Variants in FAM13A observed in about 807,000 individuals in gnomAD.
The protein encoded by FAM13A is protein FAM13A.
A neutral mutation model predicts 129.6 loss-of-function variants in FAM13A; 76 were observed. That is an observed-to-expected ratio of 0.59 (90% CI 0.49 to 0.71). FAM13A has a LOEUF of 0.71. Ranked by LOEUF, FAM13A falls within the 30% of genes least tolerant of loss-of-function variation. FAM13A has a pLI of 0.00. For missense variants in FAM13A, 1,108 were observed against 1,249.3 expected, an observed-to-expected ratio of 0.89 and a Z score of 1.70; for synonymous variants, 443 against 449.9, an observed-to-expected ratio of 0.98 and a Z score of 0.20.
intron 6 of FAM13A, among the ~76,000 whole-genome samples, chr4:88,892,066 C>T (rs1051650066): frequency 4.0e-5 from 6 of 151,592 alleles, no homozygotes; most frequent in East Asian, 1.9e-4. Context: ...CTAAGCTATT[C>T]GGGAGTCTGA....
chr4:88,776,898 C>T (rs927427174), intron 11 of FAM13A, among the ~76,000 whole-genome samples: 10 of 152,112 alleles, frequency 6.6e-5, no homozygotes, highest in Admixed American at 6.6e-5. Context: ...CACTTGAACC[C>T]GGGAGGGGGA....
chr4:89,053,166 TCAC>T (rs1362389645), intron 1 of FAM13A, among the ~76,000 whole-genome samples: 3 of 152,204 alleles, frequency 2.0e-5, no homozygotes, highest in Non-Finnish European at 2.9e-5. Context: ...GTCAAATTCT[TCAC>T]CACTTTATAA....
intron 8 of FAM13A, among the ~76,000 whole-genome samples, chr4:88,803,008 T>C (rs1212832776): frequency 1.3e-5 from 2 of 152,194 alleles, no homozygotes; most frequent in African/African-American, 2.4e-5. Flanking sequence ...TCCACCTCTT[T>C]ATGCTGGACC....
intron 6 of FAM13A, among the ~76,000 whole-genome samples, chr4:88,897,210 A>G (rs1036119504): frequency 6.6e-6 from 1 of 152,160 alleles, no homozygotes; most frequent in African/African-American, 2.4e-5. Context: ...TTATCTAAAA[A>G]TCTGTTTGAT....
chr4:89,015,648 T>C (rs1184463739), intron 3 of FAM13A, among the ~76,000 whole-genome samples: 2 of 152,236 alleles, frequency 1.3e-5, no homozygotes, highest in African/African-American at 4.8e-5. Flanking sequence ...TCAACAACAT[T>C]AAGTGAAAAC....
intron 13 of FAM13A, 78 bp downstream of exon 13, chr4:88,767,475 G>A: frequency 9.8e-7 from 1 of 1,018,172 alleles, no homozygotes; most frequent in Non-Finnish European, 1.4e-6. Flanking sequence ...CTTATTGGCA[G>A]ACTAATATTT....
At chr4:89,042,314 T>A (rs1172386867) in intron 1 of FAM13A, among the ~76,000 whole-genome samples, 1 of 152,146 alleles carries the variant, frequency 6.6e-6, no homozygotes, top group Non-Finnish European at 1.5e-5. Context: ...GAGGCACATG[T>A]CCACCTTGGA....
At chr4:88,986,856 C>A (rs769550904) in intron 4 of FAM13A, among the ~76,000 whole-genome samples, 3 of 152,128 alleles carry the variant, frequency 2.0e-5, no homozygotes, top group Non-Finnish European at 4.4e-5. Flanking sequence ...CAATATAAAT[C>A]CATTATTTCT....
At chr4:88,847,011 A>C (rs1027457005) in intron 7 of FAM13A, among the ~76,000 whole-genome samples, 1 of 152,248 alleles carries the variant, frequency 6.6e-6, no homozygotes, top group Non-Finnish European at 1.5e-5. Flanking sequence ...AGGATTTAAA[A>C]TTTATTTTTA....
chr4:88,946,401 C>CTTTTTTTT (rs3067813), intron 4 of FAM13A, among the ~76,000 whole-genome samples: 5 of 91,710 alleles, frequency 5.5e-5, no homozygotes, highest in African/African-American at 8.7e-5. Context: ...CTCCCGCGTT[C>CTTTTTTTT]TTTTTTTTTT....
intron 7 of FAM13A, among the ~76,000 whole-genome samples, chr4:88,845,519 G>A (rs982864191): frequency 2.6e-5 from 4 of 152,086 alleles, no homozygotes; most frequent in South Asian, 2.1e-4. Flanking sequence ...AAGGAACATC[G>A]CAGCAGGAGG....
chr4:88,988,260 T>A (rs1277723950), intron 4 of FAM13A, among the ~76,000 whole-genome samples: 1 of 152,218 alleles, frequency 6.6e-6, no homozygotes, highest in East Asian at 1.9e-4. Context: ...GGAAGGACTG[T>A]TCTTTATTAA....
intron 5 of FAM13A, among the ~76,000 whole-genome samples, chr4:88,924,752 T>A (rs1336874374): frequency 3.3e-5 from 5 of 151,316 alleles, no homozygotes; most frequent in Admixed American, 6.6e-5. Flanking sequence ...GAAACTACCA[T>A]CAGAGTGAAC....
At position 88,787,772 on chromosome 4, in the gene FAM13A, C is replaced by T. The variant is rs1188956533; in HGVS notation, c.1252G>A (p.Val418Ile). Residue 418 changes from valine to isoleucine, a missense_variant, in exon 10 of 24, where the codon GTT becomes ATT. Physicochemically the swap from Val to Ile is conservative, Grantham distance 29. Coordinates refer to ENST00000264344, the MANE Select transcript of FAM13A (RefSeq NM_014883.4). ...ACTCACTTGTCTCTCCCATGTCGAA[C>T]TTCATCCTGCTCCTTGGACTGGCGG... ...RRRQSKEQDEVRHGRDKGLIN... is the reference protein window; with the variant it reads ...RRRQSKEQDEIRHGRDKGLIN... 6.2e-6 allele frequency: 10 copies of T among 1,613,170 alleles called. No homozygotes were observed. The highest frequency in any genetic ancestry group is 4.0e-5 in the African/African-American group (3 of 74,868).
At chr4:89,051,329 T>C (rs1475874793) in intron 1 of FAM13A, among the ~76,000 whole-genome samples, 1 of 152,126 alleles carries the variant, frequency 6.6e-6, no homozygotes, top group East Asian at 1.9e-4. Flanking sequence ...TGGGGTCTCT[T>C]TTATAGGGGT....
At chr4:88,817,700 T>C (rs1360362959) in intron 7 of FAM13A, among the ~76,000 whole-genome samples, 2 of 151,880 alleles carry the variant, frequency 1.3e-5, no homozygotes, top group Non-Finnish European at 2.9e-5. Flanking sequence ...TAGGAAAAAA[T>C]AGGGTGAAAG....
In FAM13A at chr4:88,814,518, G is replaced by C. The variant is rs114940015; in HGVS notation, c.1008-9466C>G. ...GACCTGCCAGAAAGCTGACACTGGA[G>C]AAACAGGCAGGCTTTTGGGTTTCTA... On this transcript the variant is annotated intron_variant, in intron 7 of 23. Transcript: ENST00000264344. 1.2e-4 allele frequency among the ~76,000 whole-genome samples: 19 copies of C among 152,252 alleles called. No homozygotes were observed. In the East Asian group the frequency reaches 1.7e-3, roughly 14 times the overall value.
chr4:88,739,131 A>G lies in FAM13A; in HGVS notation c.2467-6T>C. 1.2e-6 allele frequency: 2 copies of G among 1,607,640 alleles called. No homozygotes were observed. Among genetic ancestry groups the G allele is most frequent in the Non-Finnish European group, 8.5e-7 (1 of 1,174,166 alleles). ...TGCCGTTCGTTCTTTGTTACCTGAA[A>G]AGCAAGAATGAGAGCTATGAGAAGC... On this transcript the variant is annotated splice_polypyrimidine_tract_variant and splice_region_variant and intron_variant, in intron 19 of 23. Transcript: ENST00000264344.
rs182435482 is a variant in FAM13A, at chr4:88,792,796, C to T, written c.1050-2169G>A. Among the ~76,000 whole-genome samples the T allele has an allele frequency of 1.6e-4, 24 of 152,156 alleles. 1 individual carries two copies. The East Asian group carries it at 4.6e-3, about 29-fold the overall frequency. ...ATGAAGACATGTATTTCCTCTCCTC[C>T]TTTCCACATCCTTTTGAACTGTCTT... On this transcript the variant is annotated intron_variant, in intron 8 of 23. Transcript: ENST00000264344.
Sources: allele counts gnomAD v4.1 joint callset (sites outside exome capture counted in the v4.1 genomes callset), GRCh38; gene constraint gnomAD v4.1.1; transcripts MANE v1.5; gene names NCBI Gene and HGNC (gene_info 2026-07-23, HGNC 2026-07-21).